Variants in DACH2 observed in about 807,000 individuals in gnomAD.
The protein encoded by DACH2 is dachshund family transcription factor 2, also known as dachshund homolog 2.
In DACH2, 17 loss-of-function variants were observed where a neutral mutation model predicts 35.8. The observed-to-expected ratio is 0.48, with a 90% CI of 0.33 to 0.71. The LOEUF is 0.71. Among genes scored for constraint, DACH2 ranks in the 30% least tolerant of loss-of-function variants. DACH2 has a pLI of 0.02. For synonymous variants in DACH2, 195 were observed against 177.3 expected (o/e 1.10, Z -0.79); for missense variants, 469 against 472.7 (o/e 0.99, Z 0.07).
intron 2 of DACH2, among the ~76,000 whole-genome samples, chrX:86,391,324 A>G (rs12834892): frequency 2.5e-5 from 2 of 79,169 alleles, no homozygotes; most frequent in Non-Finnish European, 4.8e-5. Flanking sequence ...AAAAAAAAAG[A>G]CTGGTTTCTC....
intron 3 of DACH2, among the ~76,000 whole-genome samples, chrX:86,631,098 T>C (rs904644384): frequency 3.6e-5 from 4 of 112,314 alleles, no homozygotes; most frequent in African/African-American, 1.3e-4. Context: ...TTTTGTCAAC[T>C]TTTCCCTCAC....
chrX:86,781,528 A>G (rs1271404935), intron 7 of DACH2, among the ~76,000 whole-genome samples: 1 of 111,405 alleles, frequency 9.0e-6, no homozygotes, highest in Non-Finnish European at 1.9e-5. Flanking sequence ...TAAAAGTAAA[A>G]TCTTTAGCAT....
intron 1 of DACH2, among the ~76,000 whole-genome samples, chrX:86,217,403 A>G (rs2032602124): frequency 8.9e-6 from 1 of 111,890 alleles, no homozygotes; most frequent in Non-Finnish European, 1.9e-5. Flanking sequence ...TTCATTAAAT[A>G]AAACAATGAC....
chrX:86,378,876 C>T (rs188466592), intron 2 of DACH2, among the ~76,000 whole-genome samples: 171 of 110,946 alleles, frequency 1.5e-3, no homozygotes, highest in African/African-American at 5.2e-3. Context: ...TGGTTATGCG[C>T]TTTGTGGGTT....
intron 7 of DACH2, among the ~76,000 whole-genome samples, chrX:86,792,654 C>T (rs998474378): frequency 2.7e-5 from 3 of 111,689 alleles, no homozygotes; most frequent in Non-Finnish European, 5.7e-5. Flanking sequence ...GCTTATTTCA[C>T]TTAACATAAG....
At chrX:86,231,165 G>A (rs953957257) in intron 1 of DACH2, among the ~76,000 whole-genome samples, 2 of 111,764 alleles carry the variant, frequency 1.8e-5, no homozygotes, top group Admixed American at 9.5e-5. Flanking sequence ...GTATCCCAGA[G>A]GTTTTCATAG....
chrX:86,827,888 C>A, intron 11 of DACH2: 2 of 829,706 alleles, frequency 2.4e-6, no homozygotes, highest in Non-Finnish European at 3.5e-6. Flanking sequence ...AAATATGGAA[C>A]CTTTAATTAC....
chrX:86,768,796 A>G (rs1410278874), intron 7 of DACH2, among the ~76,000 whole-genome samples: 1 of 110,832 alleles, frequency 9.0e-6, no homozygotes, highest in Non-Finnish European at 1.9e-5. Context: ...CACCTCCTCT[A>G]TACTTCCCCT....
At chrX:86,784,369 GA>G (rs201368220) in intron 7 of DACH2, among the ~76,000 whole-genome samples, 3 of 108,308 alleles carry the variant, frequency 2.8e-5, no homozygotes, top group Non-Finnish European at 5.8e-5. Context: ...ACATACATAT[GA>G]AAAAAAAATG....
At chrX:86,245,444 G>A (rs1223091822) in intron 1 of DACH2, among the ~76,000 whole-genome samples, 4 of 111,992 alleles carry the variant, frequency 3.6e-5, no homozygotes, top group African/African-American at 6.5e-5. Flanking sequence ...GTTGTTGCCA[G>A]TGTACCAGGA....
intron 1 of DACH2, among the ~76,000 whole-genome samples, chrX:86,375,595 C>T (rs190714639): frequency 9.4e-6 from 1 of 106,621 alleles, no homozygotes; most frequent in Non-Finnish European, 1.9e-5. Context: ...TATTTAAGAA[C>T]AGTGTCACCT....
chrX:86,534,772 CT>C (rs1569431515), intron 3 of DACH2, among the ~76,000 whole-genome samples: 2 of 111,396 alleles, frequency 1.8e-5, no homozygotes, highest in Non-Finnish European at 1.9e-5. Context: ...TGTCTTTTTA[CT>C]TTAGGATTGT....
intron 3 of DACH2, among the ~76,000 whole-genome samples, chrX:86,597,455 A>G (rs1344508494): frequency 9.0e-6 from 1 of 111,458 alleles, no homozygotes; most frequent in Non-Finnish European, 1.9e-5. Context: ...GTGTATTTCA[A>G]TTTCCTTATA....
intron 1 of DACH2, among the ~76,000 whole-genome samples, chrX:86,167,517 T>A (rs989353361): frequency 9.0e-6 from 1 of 111,385 alleles, no homozygotes; most frequent in Non-Finnish European, 1.9e-5. Flanking sequence ...GTTTTATAGA[T>A]CTTTTGTTTT....
intron 5 of DACH2, among the ~76,000 whole-genome samples, chrX:86,705,020 A>C (rs1351757573): frequency 2.4e-5 from 1 of 41,857 alleles, no homozygotes; most frequent in Non-Finnish European, 4.8e-5. Flanking sequence ...AAGTGGATAC[A>C]GAAATTGTTA....
intron 1 of DACH2, among the ~76,000 whole-genome samples, chrX:86,221,597 G>T (rs968294040): frequency 1.8e-5 from 2 of 111,864 alleles, no homozygotes; most frequent in Admixed American, 9.5e-5. Flanking sequence ...CTATAAAAAT[G>T]CCATTTGGAT....
intron 2 of DACH2, among the ~76,000 whole-genome samples, chrX:86,441,227 T>C (rs1284115187): frequency 9.0e-6 from 1 of 111,211 alleles, no homozygotes; most frequent in Non-Finnish European, 1.9e-5. Context: ...TATCTAACTA[T>C]ATTGTTATGT....
chrX:86,554,769 G>T (rs1169621338), intron 3 of DACH2, among the ~76,000 whole-genome samples: 2 of 111,426 alleles, frequency 1.8e-5, no homozygotes, highest in East Asian at 5.7e-4. Flanking sequence ...AGTCATGCTT[G>T]CCCTGCTTAT....
chrX:86,326,935 T>A (rs1410330582), intron 1 of DACH2, among the ~76,000 whole-genome samples: 1 of 111,818 alleles, frequency 8.9e-6, no homozygotes, highest in African/African-American at 3.3e-5. Context: ...AATCGGTTCA[T>A]GTATCCATCC....
Sources: allele counts gnomAD v4.1 joint callset (sites outside exome capture counted in the v4.1 genomes callset), GRCh38; gene constraint gnomAD v4.1.1; transcripts MANE v1.5; gene names NCBI Gene and HGNC (gene_info 2026-07-23, HGNC 2026-07-21).